Variants in TRIP12 observed in about 807,000 individuals in gnomAD.
TRIP12 encodes the protein E3 ubiquitin-protein ligase TRIP12.
In TRIP12, 25 loss-of-function variants were observed where a neutral mutation model predicts 244.2. That is an observed-to-expected ratio of 0.10 (90% CI 0.07 to 0.14). The LOEUF is 0.14. Among genes scored for constraint, TRIP12 ranks in the 10% least tolerant of loss-of-function variants. The pLI is 1.00. For missense variants in TRIP12, 1,677 were observed against 2,486.4 expected (o/e 0.67, Z 6.92); for synonymous variants, 905 against 873.1 (o/e 1.04, Z -0.64).
At chr2:229,791,045 C>G (rs919119873) in intron 30 of TRIP12, 79 bp downstream of exon 30, 63 of 1,570,066 alleles carry the variant, frequency 4.0e-5, no homozygotes, top group Non-Finnish European at 4.9e-5. Flanking sequence ...CTACTAAATC[C>G]AAATCACTCT....
chr2:229,821,795 G>C (rs1490566868), intron 8 of TRIP12, among the ~76,000 whole-genome samples: 1 of 152,144 alleles, frequency 6.6e-6, no homozygotes, highest in East Asian at 1.9e-4. Flanking sequence ...AGAAGCTAAT[G>C]TGTTGAAATC....
intron 1 of TRIP12, among the ~76,000 whole-genome samples, chr2:229,912,438 T>C (rs746393442): frequency 6.6e-6 from 1 of 152,192 alleles, no homozygotes; most frequent in Non-Finnish European, 1.5e-5. Context: ...ATTTAAGAAC[T>C]TCAATAATCT....
At chr2:229,861,635 T>C (rs1312563057) in intron 2 of TRIP12, among the ~76,000 whole-genome samples, 1 of 152,172 alleles carries the variant, frequency 6.6e-6, no homozygotes, top group Non-Finnish European at 1.5e-5. Context: ...AAGGATGCCA[T>C]AAATTTCTTA....
upstream of TRIP12, chr2:229,922,717 C>T (rs928983905): frequency 5.4e-6 from 6 of 1,113,446 alleles, no homozygotes; most frequent in East Asian, 1.1e-4. Context: ...CCGCCGGAAG[C>T]GCCCAGTCCC....
At chr2:229,898,190 G>C (rs999431221) in intron 1 of TRIP12, among the ~76,000 whole-genome samples, 1 of 152,172 alleles carries the variant, frequency 6.6e-6, no homozygotes, top group Non-Finnish European at 1.5e-5. Flanking sequence ...ACATTGATAA[G>C]TCAATGTCAA....
rs10139 is a variant in TRIP12, at chr2:229,767,539, C to A, written c.*15G>T. On this transcript the variant is annotated 3_prime_UTR_variant, in exon 42 of 42. Transcript: ENST00000675903. ...CTTTTGCTGTAACAGGCAGACACTG[C>A]ATTTCTTGCTATGATCAGGAAAGAT... The A allele has an allele frequency of 2.5e-6, 4 of 1,589,064 alleles. No homozygotes were observed. The highest frequency in any genetic ancestry group is 2.7e-5 in the African/African-American group (2 of 73,910).
Position 229,818,655 on chromosome 2 carries a change from T to C in TRIP12, c.1451-143A>G, listed in dbSNP as rs73099286. 1.4e-3 allele frequency: 984 copies of C among 694,340 alleles called. 9 individuals are homozygous for C. In the African/African-American group the frequency reaches 0.016, roughly 11 times the overall value. 43.0% of individuals were successfully genotyped at this position (694,340 alleles called of 1,614,324 possible). On this transcript the variant is annotated intron_variant, in intron 8 of 41. Coordinates refer to ENST00000675903, the MANE Select transcript of TRIP12 (RefSeq NM_001348323.3). ...GGTCTATACCAGGGTTAAGGCTCAC[T>C]GCTAATACATTGAAGGAAGAATTAA...
chr2:229,809,928 G>C (rs1321233237), intron 15 of TRIP12, among the ~76,000 whole-genome samples: 1 of 152,192 alleles, frequency 6.6e-6, no homozygotes. Context: ...CACTCAGACA[G>C]AGTGGGACCA....
chr2:229,785,891 C>T (rs2039856925), intron 33 of TRIP12, 36 bp from the exon 34 acceptor site: 2 of 1,568,742 alleles, frequency 1.3e-6, no homozygotes, highest in Non-Finnish European at 8.7e-7. Context: ...AAACTATGCT[C>T]TACCCATATT....
intron 4 of TRIP12, among the ~76,000 whole-genome samples, chr2:229,857,816 C>G (rs2059854451): frequency 6.6e-6 from 1 of 152,164 alleles, no homozygotes; most frequent in Non-Finnish European, 1.5e-5. Flanking sequence ...CTTTCTGTTT[C>G]TTTGCTTGAA....
intron 30 of TRIP12, among the ~76,000 whole-genome samples, chr2:229,790,438 C>T (rs1559416777): frequency 6.8e-6 from 1 of 146,950 alleles, no homozygotes; most frequent in African/African-American, 2.5e-5. Flanking sequence ...ATCGAACAAA[C>T]TTAGTTTTGT....
At chr2:229,913,590 C>A (rs2074763605) in intron 1 of TRIP12, among the ~76,000 whole-genome samples, 1 of 152,208 alleles carries the variant, frequency 6.6e-6, no homozygotes, top group Admixed American at 6.5e-5. Context: ...TTTTAATGAG[C>A]CTAATTTTGA....
Position 229,768,056 on chromosome 2 carries a change from C to T in TRIP12, c.6008-306G>A, listed in dbSNP as rs568610782. 2.2e-3 allele frequency among the ~76,000 whole-genome samples: 341 copies of T among 152,246 alleles called. 1 individual carries two copies. Among genetic ancestry groups the T allele is most frequent in the Non-Finnish European group, 3.2e-3 (216 of 68,010 alleles). On this transcript the variant is annotated intron_variant, in intron 41 of 41. Coordinates refer to ENST00000675903, the MANE Select transcript of TRIP12 (RefSeq NM_001348323.3). ...AGGTGAGCCAGTCGCTTGAGAGTTT[C>T]AGACCAGCCTGGGAAACATGGAGAA...
intron 4 of TRIP12, among the ~76,000 whole-genome samples, chr2:229,849,846 G>GA (rs1197843559): frequency 1.4e-5 from 2 of 142,436 alleles, no homozygotes; most frequent in African/African-American, 2.6e-5. Flanking sequence ...TGAAGAAGAA[G>GA]AAAAAAAAGG....
intron 38 of TRIP12, 92 bp downstream of exon 38, chr2:229,774,005 A>G (rs2035425566): frequency 7.2e-7 from 1 of 1,385,852 alleles, no homozygotes; most frequent in African/African-American, 1.4e-5. Context: ...GAAGGTCTCA[A>G]GCCATAGCGT....
In TRIP12 at chr2:229,823,684, A is replaced by AAAAC. The variant is rs1575537343; in HGVS notation, c.1451-5173_1451-5172insGTTT. Among the ~76,000 whole-genome samples, 3 of 151,706 alleles carry AAAAC rather than the reference A, an allele frequency of 2.0e-5. No individual in the cohort carries two copies. The South Asian group carries it at 6.3e-4, about 32-fold the overall frequency. On this transcript the variant is annotated intron_variant, in intron 8 of 41. Transcript: ENST00000675903. Reference sequence around the variant, plus strand: ...GAGGAGACTCTGTCTCAAAAAAAAAAAACAACAACAACAACAAAAAATAAG... The same window carrying AAAAC: ...GAGGAGACTCTGTCTCAAAAAAAAAAAAACAACAACAACAACAACAAAAAATAAG...
intron 23 of TRIP12, 105 bp downstream of exon 23, chr2:229,798,770 G>C: frequency 8.3e-7 from 1 of 1,206,006 alleles, no homozygotes; most frequent in Non-Finnish European, 1.2e-6. Flanking sequence ...AAATTAAAGT[G>C]CTGTGTCTAT....
At chr2:229,907,501 GAAAATAAA>G (rs2073153247) in intron 1 of TRIP12, among the ~76,000 whole-genome samples, 1 of 152,052 alleles carries the variant, frequency 6.6e-6, no homozygotes, top group African/African-American at 2.4e-5. Context: ...CAAAGGAAAG[GAAAATAAA>G]AACACTGTCT....
intron 2 of TRIP12, among the ~76,000 whole-genome samples, chr2:229,864,047 A>AGTGAGTGTGTGTGT (rs1553712196): frequency 5.0e-5 from 4 of 79,290 alleles, no homozygotes; most frequent in Non-Finnish European, 7.6e-5. Context: ...AGAGAGAGAG[A>AGTGAGTGTGTGTGT]GTGTGTGTGT....
Sources: allele counts gnomAD v4.1 joint callset (sites outside exome capture counted in the v4.1 genomes callset), GRCh38; gene constraint gnomAD v4.1.1; transcripts MANE v1.5; gene names NCBI Gene and HGNC (gene_info 2026-07-23, HGNC 2026-07-21).